The following PTPN2 variants were observed in gnomAD, a reference collection of about 807,000 sequenced individuals.
The protein encoded by PTPN2 is protein tyrosine phosphatase non-receptor type 2, also known as tyrosine-protein phosphatase non-receptor type 2.
Under a neutral mutation model 57.3 loss-of-function variants are expected in PTPN2, and 19 were observed. That is an observed-to-expected ratio of 0.33 (90% CI 0.23 to 0.49). The LOEUF is 0.49. Ranked by LOEUF, PTPN2 falls within the 20% of genes least tolerant of loss-of-function variation. The pLI is 0.99. For synonymous variants in PTPN2, 153 were observed against 164.9 expected, an observed-to-expected ratio of 0.93 and a Z score of 0.55; for missense variants, 358 against 501.1, an observed-to-expected ratio of 0.71 and a Z score of 2.73.
chr18:12,829,504 CAAA>C (rs541731696), intron 4 of PTPN2, among the ~76,000 whole-genome samples: 15 of 89,076 alleles, frequency 1.7e-4, no homozygotes, highest in Non-Finnish European at 1.8e-4. Flanking sequence ...ACTCTGTCTC[CAAA>C]AAAAAAAAAA....
intron 2 of PTPN2, among the ~76,000 whole-genome samples, chr18:12,851,734 T>G (rs141429313): frequency 6.6e-6 from 1 of 152,204 alleles, no homozygotes; most frequent in African/African-American, 2.4e-5. Context: ...GCCGAAAGCA[T>G]AGAAGTTTTC....
rs2043387103 is a variant in PTPN2, at chr18:12,851,307, G to A, written c.160+7857C>T. On this transcript the variant is annotated intron_variant, in intron 2 of 8. Transcript: ENST00000309660. ...ATCCTGGCTAACAAGGTGAAACCCCGTCTCTACTAAAAATACAAAAAATTA... is the reference window on the plus strand; with the variant it reads ...ATCCTGGCTAACAAGGTGAAACCCCATCTCTACTAAAAATACAAAAAATTA... Among the ~76,000 whole-genome samples the A allele has an allele frequency of 1.1e-4, 2 of 18,708 alleles. 1 individual carries two copies. The highest frequency in any genetic ancestry group is 1.9e-3 in the Admixed American group (2 of 1,074). The allele number at this position is 18,708 out of a possible 152,430, so 12.3% of individuals were successfully genotyped here.
intron 4 of PTPN2, among the ~76,000 whole-genome samples, chr18:12,827,395 ATTTTTTT>A (rs74221641): frequency 1.8e-4 from 26 of 144,752 alleles, no homozygotes; most frequent in African/African-American, 6.7e-4. Flanking sequence ...AAAATAAATA[ATTTTTTT>A]TTTTTTTAAG....
intron 1 of PTPN2, among the ~76,000 whole-genome samples, chr18:12,875,039 G>A (rs2044439567): frequency 6.6e-6 from 1 of 152,096 alleles, no homozygotes; most frequent in African/African-American, 2.4e-5. Flanking sequence ...AACATGTGCT[G>A]TGTCCACTCA....
chr18:12,881,075 CCCTGTG>C (rs1185668871), intron 1 of PTPN2, among the ~76,000 whole-genome samples: 8 of 152,204 alleles, frequency 5.3e-5, no homozygotes, highest in Non-Finnish European at 8.8e-5. Context: ...CCGACTACTG[CCCTGTG>C]CTGCGTGCCT....
chr18:12,785,667 C>T (rs933184091), exon 10 of PTPN2: 1 of 696,016 alleles, frequency 1.4e-6, no homozygotes, highest in Non-Finnish European at 2.5e-6. Context: ...TGCTCTTCAT[C>T]CCCTGGATGT....
In PTPN2 at chr18:12,817,229, G is replaced by T. The variant is rs2042109876; in HGVS notation, c.632C>A (p.Pro211His). Reference sequence around the variant, plus strand: ...GCCTGCACTACAGTGGATCACCGCAGGCCCATGGTCAGGGTTCAAGGAGCC... The same window carrying T: ...GCCTGCACTACAGTGGATCACCGCATGCCCATGGTCAGGGTTCAAGGAGCC... ...ESGSLNPDHG[P>H]AVIHCSAGIG... Residue 211 changes from proline to histidine, a missense_variant, in exon 6 of 9, where the codon CCT becomes CAT. Transcript: ENST00000309660. 6.2e-7 allele frequency: 1 copy of T among 1,614,012 alleles called. No homozygotes were observed. Among genetic ancestry groups the T allele is most frequent in the Admixed American group, 1.7e-5 (1 of 60,000 alleles).
At chr18:12,811,308 A>G (rs182599424) in intron 7 of PTPN2, among the ~76,000 whole-genome samples, 2 of 152,266 alleles carry the variant, frequency 1.3e-5, no homozygotes, top group East Asian at 3.9e-4. Flanking sequence ...ACACTGGTCA[A>G]TTTTTGAAGT....
chr18:12,856,538 T>G (rs1377053773), intron 2 of PTPN2, among the ~76,000 whole-genome samples: 1 of 152,062 alleles, frequency 6.6e-6, no homozygotes, highest in South Asian at 2.1e-4. Flanking sequence ...CAAGGCTAAG[T>G]GCTTTTCAAT....
chr18:12,828,190 A>C (rs1009753408), intron 4 of PTPN2, among the ~76,000 whole-genome samples: 9 of 152,248 alleles, frequency 5.9e-5, no homozygotes, highest in Non-Finnish European at 1.3e-4. Context: ...TCAGATATTA[A>C]GACAGCAGAT....
chr18:12,797,355 TA>T (rs2041231534), intron 8 of PTPN2, among the ~76,000 whole-genome samples: 1 of 152,100 alleles, frequency 6.6e-6, no homozygotes, highest in Admixed American at 6.6e-5. Flanking sequence ...ACAAGCCCAA[TA>T]ATGAGTCCCT....
chr18:12,839,182 GTGA>G (rs1168593062), intron 2 of PTPN2, among the ~76,000 whole-genome samples: 2 of 152,118 alleles, frequency 1.3e-5, no homozygotes, highest in Non-Finnish European at 2.9e-5. Flanking sequence ...ATACTCTTTA[GTGA>G]TGATAACAAA....
chr18:12,837,581 A>C (rs1368137601), intron 2 of PTPN2, among the ~76,000 whole-genome samples: 1 of 152,216 alleles, frequency 6.6e-6, no homozygotes, highest in Non-Finnish European at 1.5e-5. Flanking sequence ...TAGATGGGAA[A>C]GCAAGAGAAG....
chr18:12,868,163 A>C (rs1158605972), intron 1 of PTPN2, among the ~76,000 whole-genome samples: 2 of 152,234 alleles, frequency 1.3e-5, no homozygotes, highest in African/African-American at 4.8e-5. Context: ...AGAAAACAAC[A>C]ACAAAAGCTT....
intron 1 of PTPN2, among the ~76,000 whole-genome samples, chr18:12,872,557 G>T (rs771867931): frequency 6.6e-6 from 1 of 152,270 alleles, no homozygotes; most frequent in South Asian, 2.1e-4. Flanking sequence ...AAACAGTGCT[G>T]GGATTACAGG....
intron 1 of PTPN2, among the ~76,000 whole-genome samples, chr18:12,877,730 G>T (rs959608404): frequency 6.6e-6 from 1 of 152,174 alleles, no homozygotes; most frequent in South Asian, 2.1e-4. Flanking sequence ...GAAAAATGGC[G>T]GCCAGGCGCA....
intron 2 of PTPN2, among the ~76,000 whole-genome samples, chr18:12,850,128 C>T (rs2043344594): frequency 6.6e-6 from 1 of 151,336 alleles, no homozygotes; most frequent in African/African-American, 2.4e-5. Flanking sequence ...CTTCTTTCTG[C>T]TTTTTTTTTC....
chr18:12,786,828 CTTT>C (rs1429465686), intron 9 of PTPN2: 2 of 152,134 alleles, frequency 1.3e-5, no homozygotes, highest in African/African-American at 4.8e-5. Context: ...TCTGAACGTC[CTTT>C]TTTTCTCTGA....
chr18:12,794,149 C>T lies in PTPN2; in HGVS notation c.*129G>A. The T allele has an allele frequency of 1.3e-6, 2 of 1,483,624 alleles. No homozygotes were observed. Among genetic ancestry groups the T allele is most frequent in the East Asian group, 2.4e-5 (1 of 42,354 alleles). 91.9% of individuals were successfully genotyped at this position (1,483,624 alleles called of 1,614,324 possible). On this transcript the variant is annotated 3_prime_UTR_variant, in exon 9 of 9. Coordinates refer to ENST00000309660, the MANE Select transcript of PTPN2 (RefSeq NM_002828.4). Reference sequence around the variant, plus strand: ...GTTGGGCTTGTGACTGTAAATATCACTTATCTGGTTGATGTCTATTCTACT... The same window carrying T: ...GTTGGGCTTGTGACTGTAAATATCATTTATCTGGTTGATGTCTATTCTACT...
Sources: allele counts gnomAD v4.1 joint callset (sites outside exome capture counted in the v4.1 genomes callset), GRCh38; gene constraint gnomAD v4.1.1; transcripts MANE v1.5; gene names NCBI Gene and HGNC (gene_info 2026-07-23, HGNC 2026-07-21).